CDH18: variants seen among roughly 807,000 people sequenced by gnomAD.
CDH18 encodes the protein cadherin 18.
A neutral mutation model predicts 67.9 loss-of-function variants in CDH18; 31 were observed. The observed-to-expected ratio is 0.46, with a 90% CI of 0.34 to 0.62. The LOEUF (loss-of-function observed/expected upper bound fraction) is 0.62. CDH18 is among the 20% of genes least tolerant of loss of function. The probability of loss-of-function intolerance (pLI) is 0.01; values close to 1 mark genes in which losing one functional copy is unlikely to be tolerated. For missense variants in CDH18, 890 were observed against 975.5 expected (o/e 0.91, Z 1.17); for synonymous variants, 362 against 347.2 (o/e 1.04, Z -0.48).
At chr5:19,637,167 TCTTC>T (rs1314369367) in intron 5 of CDH18, among the ~76,000 whole-genome samples, 4 of 151,540 alleles carry the variant, frequency 2.6e-5, no homozygotes, top group African/African-American at 4.9e-5. Flanking sequence ...TTTCTTTCTT[TCTTC>T]CTTCCTTTTT....
chr5:19,858,156 G>T (rs1784503067), intron 2 of CDH18, among the ~76,000 whole-genome samples: 1 of 151,920 alleles, frequency 6.6e-6, no homozygotes, highest in Non-Finnish European at 1.5e-5. Context: ...ATATTGGTTT[G>T]GTCCAGAAAG....
At chr5:20,039,705 A>C (rs1447302703) in intron 2 of CDH18, among the ~76,000 whole-genome samples, 1 of 152,208 alleles carries the variant, frequency 6.6e-6, no homozygotes, top group Non-Finnish European at 1.5e-5. Flanking sequence ...CTCAAGATGG[A>C]TTAAAGACTT....
chr5:20,012,838 G>A (rs942578955), intron 2 of CDH18, among the ~76,000 whole-genome samples: 2 of 152,022 alleles, frequency 1.3e-5, no homozygotes, highest in Non-Finnish European at 2.9e-5. Flanking sequence ...TCACTTGTAA[G>A]TGGGAACTAA....
intron 1 of CDH18, among the ~76,000 whole-genome samples, chr5:20,410,978 A>C (rs1026600318): frequency 2.6e-5 from 4 of 152,012 alleles, no homozygotes; most frequent in Admixed American, 1.3e-4. Context: ...AAGTGAGACG[A>C]TATCCCATAT....
intron 1 of CDH18, among the ~76,000 whole-genome samples, chr5:20,501,086 C>A (rs1754220056): frequency 6.6e-6 from 1 of 152,114 alleles, no homozygotes; most frequent in African/African-American, 2.4e-5. Context: ...AGCATGACAT[C>A]ACACAGCAAA....
chr5:20,434,155 C>T lies in CDH18; in HGVS notation c.-580+141307G>A, dbSNP rs568801921. Among the ~76,000 whole-genome samples, 8 of 152,108 alleles carry T rather than the reference C, an allele frequency of 5.3e-5. No homozygotes were observed. The South Asian group carries it at 1.5e-3, about 28-fold the overall frequency. On this transcript the variant is annotated intron_variant, in intron 1 of 14. Coordinates refer to the CDH18 transcript ENST00000507958. Reference sequence around the variant, plus strand: ...AACCTCAGTTGTGGGTAAGGCAGGTCCTACATCTGATATTGTTACAAATAC... The same window carrying T: ...AACCTCAGTTGTGGGTAAGGCAGGTTCTACATCTGATATTGTTACAAATAC...
chr5:20,097,263 C>T (rs1580234111), intron 2 of CDH18, among the ~76,000 whole-genome samples: 1 of 151,880 alleles, frequency 6.6e-6, no homozygotes, highest in African/African-American at 2.4e-5. Context: ...GAAAAAATAC[C>T]CAAGACTGGG....
intron 5 of CDH18, among the ~76,000 whole-genome samples, chr5:19,697,450 G>A (rs1762672854): frequency 6.6e-6 from 1 of 152,068 alleles, no homozygotes; most frequent in South Asian, 2.1e-4. Flanking sequence ...GTTTATATTT[G>A]AATACGTAAT....
chr5:20,466,287 A>T (rs1253637207), intron 1 of CDH18, among the ~76,000 whole-genome samples: 5 of 152,076 alleles, frequency 3.3e-5, no homozygotes, highest in Non-Finnish European at 7.4e-5. Flanking sequence ...AATTACTGAA[A>T]GTAAACTGAC....
chr5:19,746,863 TA>T (rs1770067177), intron 4 of CDH18, 78 bp downstream of exon 4: 5 of 1,104,216 alleles, frequency 4.5e-6, no homozygotes, highest in Non-Finnish European at 5.3e-6. Flanking sequence ...TATATATAAG[TA>T]AAAATTGGTA....
At chr5:19,633,936 C>T (rs1244641778) in intron 5 of CDH18, among the ~76,000 whole-genome samples, 1 of 152,144 alleles carries the variant, frequency 6.6e-6, no homozygotes, top group Non-Finnish European at 1.5e-5. Flanking sequence ...CTGGCCACTG[C>T]CAAACCTTGT....
chr5:20,439,074 C>T (rs1453390033), intron 1 of CDH18, among the ~76,000 whole-genome samples: 1 of 151,496 alleles, frequency 6.6e-6, no homozygotes, highest in African/African-American at 2.4e-5. Flanking sequence ...ATGAAGCACA[C>T]AATCACCTCT....
intron 2 of CDH18, among the ~76,000 whole-genome samples, chr5:20,188,966 C>T (rs1309376008): frequency 6.6e-6 from 1 of 151,844 alleles, no homozygotes; most frequent in Non-Finnish European, 1.5e-5. Flanking sequence ...CACTGATCCA[C>T]ATGACTTCTT....
At chr5:20,448,786 A>G (rs1407454659) in intron 1 of CDH18, among the ~76,000 whole-genome samples, 1 of 152,146 alleles carries the variant, frequency 6.6e-6, no homozygotes. Context: ...GAAAGGGAGT[A>G]AACTTATGAA....
chr5:20,424,560 T>C (rs1454729433), intron 1 of CDH18, among the ~76,000 whole-genome samples: 1 of 149,750 alleles, frequency 6.7e-6, no homozygotes, highest in Non-Finnish European at 1.5e-5. Flanking sequence ...GAGACCAGCC[T>C]GGCCAACACA....
intron 5 of CDH18, among the ~76,000 whole-genome samples, chr5:19,648,640 C>G (rs1755134726): frequency 2.0e-5 from 3 of 151,940 alleles, no homozygotes; most frequent in African/African-American, 7.2e-5. Context: ...CTTTTTTGTA[C>G]ATGAAATCTC....
intron 8 of CDH18, among the ~76,000 whole-genome samples, chr5:19,544,991 C>A (rs970532808): frequency 6.6e-6 from 1 of 151,738 alleles, no homozygotes; most frequent in African/African-American, 2.4e-5. Context: ...TTTTAAGACC[C>A]CTGAGTTTTG....
At position 19,473,421 on chromosome 5, in the gene CDH18, G is replaced by A; in HGVS notation, c.2178C>T (p.Asp726=). 6.2e-7 allele frequency: 1 copy of A among 1,613,792 alleles called. No individual in the cohort carries two copies. Among genetic ancestry groups the A allele is most frequent in the South Asian group, 1.1e-5 (1 of 91,078 alleles). The part of the protein sequence containing the change: ...IKQRLAEADL[D]PSVPPYDSLQ... ...GAGAGTCATAAGGGGGAACGCTAGG[G>A]TCTAGGTCTGCTTCTGCCAGTCTTT... Residue 726 remains aspartate (D), a synonymous_variant, in exon 13 of 13, where the codon GAC becomes GAT. Transcript: ENST00000382275.
At chr5:19,600,398 G>C (rs988603798) in intron 6 of CDH18, among the ~76,000 whole-genome samples, 2 of 150,462 alleles carry the variant, frequency 1.3e-5, no homozygotes, top group Non-Finnish European at 3.0e-5. Context: ...TTTTCAGCTG[G>C]TACCAGCTTT....
Sources: gnomAD v4.1 joint callset for allele counts (sites outside exome capture counted in the v4.1 genomes callset) on GRCh38, gnomAD v4.1.1 for gene constraint, MANE v1.5 for transcripts, NCBI Gene and HGNC (gene_info 2026-07-23, HGNC 2026-07-21) for gene names.